Variants in PARD3B observed in about 807,000 individuals in gnomAD.
PARD3B encodes par-3 family cell polarity regulator beta.
Under a neutral mutation model 130.2 loss-of-function variants are expected in PARD3B, and 103 were observed. That is an observed-to-expected ratio of 0.79 (90% confidence interval 0.67 to 0.93). PARD3B has a LOEUF of 0.93. Ranked by LOEUF, PARD3B falls within the 40% of genes least tolerant of loss-of-function variation. The pLI is 0.00. For missense variants in PARD3B, 1,609 were observed against 1,499.2 expected, an observed-to-expected ratio of 1.07 and a Z score of -1.21; for synonymous variants, 583 against 553.2, an observed-to-expected ratio of 1.05 and a Z score of -0.76.
At chr2:205,554,203 T>G (rs1402986136) in intron 22 of PARD3B, among the ~76,000 whole-genome samples, 1 of 151,908 alleles carries the variant, frequency 6.6e-6, no homozygotes, top group African/African-American at 2.4e-5. Context: ...AAAGTTGCAG[T>G]GTTTTCAAAT....
At chr2:204,811,389 G>T (rs927787897) in intron 2 of PARD3B, among the ~76,000 whole-genome samples, 1 of 152,132 alleles carries the variant, frequency 6.6e-6, no homozygotes, top group Non-Finnish European at 1.5e-5. Context: ...CTACTGGTTT[G>T]TGTATACTAC....
intron 2 of PARD3B, among the ~76,000 whole-genome samples, chr2:204,703,947 G>A (rs1396504250): frequency 2.6e-5 from 4 of 152,044 alleles, no homozygotes; most frequent in African/African-American, 7.2e-5. Context: ...TATCAAAAAG[G>A]TTAATTAGAA....
intron 14 of PARD3B, among the ~76,000 whole-genome samples, chr2:205,186,712 T>G (rs755433910): frequency 3.9e-5 from 6 of 152,202 alleles, no homozygotes; most frequent in Non-Finnish European, 7.3e-5. Flanking sequence ...TATCTCTGAT[T>G]CTTATACTTT....
At chr2:204,556,709 T>C (rs534753134) in intron 1 of PARD3B, among the ~76,000 whole-genome samples, 1 of 152,156 alleles carries the variant, frequency 6.6e-6, no homozygotes, top group Non-Finnish European at 1.5e-5. Context: ...TTAATGTAGC[T>C]CTCCATTTTG....
rs1190206827 is a variant in PARD3B at position 205,288,056 on chromosome 2, T to C, written c.2186-12474T>C. Among the ~76,000 whole-genome samples the C allele has an allele frequency of 6.6e-6, 1 of 152,174 alleles. No homozygotes were observed. Among genetic ancestry groups the C allele is most frequent in the East Asian group, 1.9e-4 (1 of 5,180 alleles). Reference sequence around the variant, plus strand: ...TTTATTTTGTGTGTCCCCATGTTATTAGTTTTACTGCCCATTAATCATTAT... The same window carrying C: ...TTTATTTTGTGTGTCCCCATGTTATCAGTTTTACTGCCCATTAATCATTAT... On this transcript the variant is annotated intron_variant, in intron 16 of 22. Transcript: ENST00000406610. The surrounding 1 kb of genome is among the most constrained non-coding windows in gnomAD (Gnocchi z 4.0).
chr2:205,404,469 C>G (rs921516019), intron 19 of PARD3B, among the ~76,000 whole-genome samples: 2 of 152,194 alleles, frequency 1.3e-5, no homozygotes, highest in Non-Finnish European at 2.9e-5. Context: ...AGTGACAACT[C>G]TCTTTGAACA....
intron 20 of PARD3B, among the ~76,000 whole-genome samples, chr2:205,480,275 T>G (rs1253795953): frequency 6.6e-6 from 1 of 152,174 alleles, no homozygotes; most frequent in Non-Finnish European, 1.5e-5. Flanking sequence ...CTAGCTGTTT[T>G]CTCCAGAATA....
At chr2:205,243,728 T>G (rs1471367947) in intron 15 of PARD3B, among the ~76,000 whole-genome samples, 2 of 152,194 alleles carry the variant, frequency 1.3e-5, no homozygotes, top group Non-Finnish European at 2.9e-5. Flanking sequence ...AATGGAGTGG[T>G]TAAGAGTGCC....
chr2:205,598,741 T>A (rs1486007146), intron 22 of PARD3B, among the ~76,000 whole-genome samples: 1 of 152,142 alleles, frequency 6.6e-6, no homozygotes, highest in African/African-American at 2.4e-5. Flanking sequence ...AATACATTTT[T>A]AAAAATCTAA....
intron 15 of PARD3B, among the ~76,000 whole-genome samples, chr2:205,200,246 A>G (rs759924366): frequency 6.6e-6 from 1 of 152,216 alleles, no homozygotes; most frequent in African/African-American, 2.4e-5. Context: ...ATTAAATAAC[A>G]TATACCATAA....
chr2:204,696,642 T>G (rs2037624476), intron 2 of PARD3B, among the ~76,000 whole-genome samples: 1 of 152,138 alleles, frequency 6.6e-6, no homozygotes, highest in African/African-American at 2.4e-5. Flanking sequence ...TTCCTTAAGC[T>G]TAGGCTTTTA....
intron 2 of PARD3B, among the ~76,000 whole-genome samples, chr2:204,793,638 G>T (rs905946363): frequency 3.3e-5 from 5 of 152,086 alleles, no homozygotes; most frequent in Admixed American, 3.3e-4. Flanking sequence ...CTCTGGAGTA[G>T]CTGGGATTAC....
chr2:204,961,291 AAC>A (rs1245183004), intron 2 of PARD3B, among the ~76,000 whole-genome samples: 1 of 152,098 alleles, frequency 6.6e-6, no homozygotes, highest in Non-Finnish European at 1.5e-5. Flanking sequence ...GCTGTTAAGA[AAC>A]ACATGGTAGC....
rs2042308315 is a variant in PARD3B, at chr2:205,309,748, T to A, written c.2630+8047T>A. ...TTACAAGCTCTGCGGCCTTCACGAG[T>A]CCCTTTGAGTTTCAGTCACCTCCTC... On this transcript the variant is annotated intron_variant, in intron 18 of 22. Transcript: ENST00000406610. This position sits in a 1 kb window ranked among gnomAD's most constrained non-coding sequence, Gnocchi z 4.7. 6.6e-6 allele frequency among the ~76,000 whole-genome samples: 1 copy of A among 152,062 alleles called. No homozygotes were observed. The highest frequency in any genetic ancestry group is 2.4e-5 in the African/African-American group (1 of 41,402).
intron 15 of PARD3B, among the ~76,000 whole-genome samples, chr2:205,245,252 G>T (rs921225393): frequency 2.0e-5 from 3 of 152,142 alleles, no homozygotes; most frequent in Admixed American, 6.5e-5. Flanking sequence ...ACTGCATTTT[G>T]TTGCCTAATG....
intron 22 of PARD3B, among the ~76,000 whole-genome samples, chr2:205,598,372 A>G (rs997955345): frequency 8.5e-5 from 13 of 152,212 alleles, no homozygotes; most frequent in Non-Finnish European, 1.9e-4. Context: ...ACAAAAAAAA[A>G]AAGCATTCCA....
At chr2:205,552,217 G>T (rs954720276) in intron 21 of PARD3B, among the ~76,000 whole-genome samples, 17 of 151,826 alleles carry the variant, frequency 1.1e-4, no homozygotes, top group Admixed American at 7.9e-4. Context: ...ACAGAGGAAG[G>T]GACAAAAACA....
chr2:205,284,535 T>C (rs1224572460), intron 16 of PARD3B, among the ~76,000 whole-genome samples: 2 of 152,174 alleles, frequency 1.3e-5, no homozygotes, highest in Admixed American at 1.3e-4. Flanking sequence ...CTATTGAAAG[T>C]GGCTGGGTTG....
chr2:205,597,398 G>A, intron 22 of PARD3B, among the ~76,000 whole-genome samples: 1 of 152,180 alleles, frequency 6.6e-6, no homozygotes, highest in East Asian at 1.9e-4. Flanking sequence ...TGGTGTATAT[G>A]TACCACATTT....
Sources: allele counts gnomAD v4.1 joint callset (sites outside exome capture counted in the v4.1 genomes callset), GRCh38; gene constraint gnomAD v4.1.1; non-coding constraint Gnocchi (gnomAD v3.1); transcripts MANE v1.5; gene names NCBI Gene and HGNC (gene_info 2026-07-23, HGNC 2026-07-21).